Variants in ANKRD42 observed in about 807,000 individuals in gnomAD.
The protein encoded by ANKRD42 is ankyrin repeat domain-containing protein 42.
Under a neutral mutation model 51.5 loss-of-function variants are expected in ANKRD42, and 43 were observed. The observed-to-expected ratio is 0.83, with a 90% CI of 0.65 to 1.08. ANKRD42 has a LOEUF of 1.08. Among genes scored for constraint, ANKRD42 ranks in the 50% least tolerant of loss-of-function variants. The pLI, the probability that ANKRD42 is intolerant of heterozygous loss-of-function variation, is 0.00. For missense variants in ANKRD42, 608 were observed against 629.3 expected (o/e 0.97, Z 0.36); for synonymous variants, 203 against 213.0 (o/e 0.95, Z 0.41).
downstream of ANKRD42, chr11:83,257,397 T>C (rs1053984280): frequency 9.1e-6 from 4 of 439,030 alleles, no homozygotes; most frequent in Non-Finnish European, 1.8e-5. Context: ...TAGAGGCAAG[T>C]AGGAAAAAAG....
intron 1 of ANKRD42, among the ~76,000 whole-genome samples, chr11:83,198,078 T>G (rs1220310569): frequency 6.6e-6 from 1 of 152,130 alleles, no homozygotes; most frequent in East Asian, 1.9e-4. Flanking sequence ...AGTTTCTCAT[T>G]CTTTGGCTAG....
At chr11:83,218,705 G>C (rs504759) in intron 5 of ANKRD42, among the ~76,000 whole-genome samples, 36,640 of 152,054 alleles carry the variant, frequency 0.24, 4,563 homozygotes, top group Middle Eastern at 0.34. Context: ...ACTTCGGTGG[G>C]GCTGGATGAA....
At position 83,230,837 on chromosome 11, in the gene ANKRD42, C is replaced by T. The variant is rs557269542; in HGVS notation, c.913+2965C>T. ...TCCTGACCTCGTGATCCGCCCACCT[C>T]GGCCTCCCAAAGTGCTGGTATTACA... On this transcript the variant is annotated intron_variant, in intron 7 of 10. Transcript: ENST00000533342. 2.7e-3 allele frequency among the ~76,000 whole-genome samples: 414 copies of T among 152,260 alleles called. 3 individuals are homozygous for T. The highest frequency in any genetic ancestry group is 3.1e-3 in the Non-Finnish European group (214 of 68,012).
At chr11:83,240,004 G>A (rs535526222) in intron 8 of ANKRD42, among the ~76,000 whole-genome samples, 2 of 152,186 alleles carry the variant, frequency 1.3e-5, no homozygotes, top group Non-Finnish European at 2.9e-5. Flanking sequence ...ATGATTTGCA[G>A]TATCTGGTAG....
chr11:83,193,931 G>C lies in ANKRD42; in HGVS notation c.-740G>C, dbSNP rs1217601552. 2 of 455,746 alleles carry C rather than the reference G, an allele frequency of 4.4e-6. No homozygotes were observed. The highest frequency in any genetic ancestry group is 8.8e-6 in the Non-Finnish European group (2 of 226,348). The allele number at this position is 455,746 out of a possible 1,614,324, so 28.2% of individuals were successfully genotyped here. On this transcript the variant is annotated 5_prime_UTR_variant, in exon 1 of 11. Coordinates refer to ENST00000533342, the MANE Select transcript of ANKRD42 (RefSeq NM_001300975.2). The stretch of plus-strand genomic sequence containing the variant: ...GGCGCCGAGTCTAGGGAAAGAGTTA[G>C]CGACGACGGGGAAAGAAAATGTGAA...
At chr11:83,254,159 T>A (rs1384837381) in intron 11 of ANKRD42, among the ~76,000 whole-genome samples, 1 of 151,844 alleles carries the variant, frequency 6.6e-6, no homozygotes, top group Non-Finnish European at 1.5e-5. Flanking sequence ...TGTATTTTTT[T>A]GTAGAGAGAG....
intron 11 of ANKRD42, among the ~76,000 whole-genome samples, chr11:83,254,002 A>G (rs907468526): frequency 3.3e-5 from 5 of 152,284 alleles, no homozygotes; most frequent in Admixed American, 6.5e-5. Context: ...TTGAGACACT[A>G]TCTCACTCTG....
intron 5 of ANKRD42, 77 bp from the exon 6 acceptor site, chr11:83,224,778 T>G (rs1862821165): frequency 8.3e-7 from 1 of 1,197,834 alleles, no homozygotes; most frequent in Non-Finnish European, 1.1e-6. Context: ...AGCAAGATCT[T>G]GTCTCTAAAT....
intron 7 of ANKRD42, among the ~76,000 whole-genome samples, chr11:83,235,039 T>G (rs1183494644): frequency 6.6e-6 from 1 of 152,224 alleles, no homozygotes; most frequent in Non-Finnish European, 1.5e-5. Flanking sequence ...GTTCCTGCTC[T>G]TTGATTTATT....
chr11:83,198,430 T>G, intron 1 of ANKRD42, 49 bp from the exon 2 acceptor site: 1 of 1,533,892 alleles, frequency 6.5e-7, no homozygotes, highest in Non-Finnish European at 8.8e-7. Context: ...GTCTTTTTTT[T>G]TCTTTCATAG....
intron 3 of ANKRD42, chr11:83,209,316 G>A (rs963790684): frequency 1.2e-6 from 1 of 825,642 alleles, no homozygotes; most frequent in African/African-American, 1.7e-5. Context: ...TTTTCTTGAG[G>A]CCAAAGTGGG....
In ANKRD42 at chr11:83,212,989, T is replaced by C. The variant is rs544479398; in HGVS notation, c.586+1559T>C. On this transcript the variant is annotated intron_variant, in intron 5 of 10. Coordinates refer to ENST00000533342, the MANE Select transcript of ANKRD42 (RefSeq NM_001300975.2). ...GCGCTGCCTACGGAGGTGGCAGCCATCTCCTCCTCAGCATCATGGCCACCC... is the reference window on the plus strand; with the variant it reads ...GCGCTGCCTACGGAGGTGGCAGCCACCTCCTCCTCAGCATCATGGCCACCC... 8.5e-5 allele frequency: 136 copies of C among 1,597,920 alleles called. No individual in the cohort carries two copies. In the East Asian group the frequency reaches 2.7e-3, roughly 32 times the overall value.
At chr11:83,257,615 CAA>C (rs1189885464), downstream of ANKRD42, among the ~76,000 whole-genome samples, 1 of 152,180 alleles carries the variant, frequency 6.6e-6, no homozygotes, top group Non-Finnish European at 1.5e-5. Flanking sequence ...ACCTTGGCAG[CAA>C]AAGTCTGCAT....
intron 7 of ANKRD42, among the ~76,000 whole-genome samples, chr11:83,229,697 G>C (rs1430499314): frequency 6.6e-6 from 1 of 152,152 alleles, no homozygotes; most frequent in Non-Finnish European, 1.5e-5. Context: ...AAGTGATGAG[G>C]AGCCAAAAGA....
intron 9 of ANKRD42, among the ~76,000 whole-genome samples, chr11:83,242,374 T>A (rs376484928): frequency 1.3e-5 from 2 of 152,032 alleles, no homozygotes; most frequent in African/African-American, 4.8e-5. Flanking sequence ...TCGCTATAGT[T>A]CAGGAGAGAG....
chr11:83,198,729 G>GT, intron 2 of ANKRD42, 87 bp downstream of exon 2: 1 of 1,242,304 alleles, frequency 8.0e-7, no homozygotes. Context: ...AGACCTTATG[G>GT]TAGGTACTGC....
chr11:83,194,418 C>T lies in ANKRD42; in HGVS notation c.-253C>T. ...GTGGAGACCGCGGCTACGCAGCCAG[C>T]GACTCCTCTGGTGTGAGCGGCAGTG... On this transcript the variant is annotated 5_prime_UTR_variant, in exon 1 of 11. Transcript: ENST00000533342. 1.0e-5 allele frequency: 7 copies of T among 682,784 alleles called. No homozygotes were observed. The highest frequency in any genetic ancestry group is 2.8e-5 in the East Asian group (1 of 35,760). 42.3% of individuals were successfully genotyped at this position (682,784 alleles called of 1,614,324 possible).
At chr11:83,207,189 T>G (rs1313571833) in intron 3 of ANKRD42, among the ~76,000 whole-genome samples, 1 of 152,114 alleles carries the variant, frequency 6.6e-6, no homozygotes, top group Non-Finnish European at 1.5e-5. Context: ...GAGAACTCAC[T>G]CACTATCATG....
intron 2 of ANKRD42, among the ~76,000 whole-genome samples, chr11:83,203,766 A>G (rs1303735850): frequency 2.0e-5 from 3 of 152,144 alleles, no homozygotes; most frequent in Non-Finnish European, 4.4e-5. Context: ...AAGATTTTTG[A>G]TATTTATATA....
Sources: allele counts gnomAD v4.1 joint callset (sites outside exome capture counted in the v4.1 genomes callset), GRCh38; gene constraint gnomAD v4.1.1; transcripts MANE v1.5; gene names NCBI Gene and HGNC (gene_info 2026-07-23, HGNC 2026-07-21).